Variants in RHBDL3 observed in about 807,000 individuals in gnomAD.
The protein encoded by RHBDL3 is rhomboid like 3.
A neutral mutation model predicts 48.2 loss-of-function variants in RHBDL3; 28 were observed. The ratio of observed to expected loss-of-function variants is 0.58; its 90% CI spans 0.43 to 0.80. The LOEUF (loss-of-function observed/expected upper bound fraction) is 0.80, where lower values mean the gene tolerates loss of function less well. Among genes scored for constraint, RHBDL3 ranks in the 30% least tolerant of loss-of-function variants. The pLI is 0.00. For missense variants in RHBDL3, 464 were observed against 542.7 expected, an observed-to-expected ratio of 0.85 and a Z score of 1.44; for synonymous variants, 208 against 232.3, an observed-to-expected ratio of 0.90 and a Z score of 0.95.
intron 4 of RHBDL3, among the ~76,000 whole-genome samples, chr17:32,293,893 C>A (rs1449314005): frequency 6.6e-6 from 1 of 152,026 alleles, no homozygotes; most frequent in Non-Finnish European, 1.5e-5. Flanking sequence ...TTTGGGAGGC[C>A]AAGGCGGGTG....
chr17:32,283,128 A>G (rs1393409230), intron 2 of RHBDL3, among the ~76,000 whole-genome samples: 1 of 152,000 alleles, frequency 6.6e-6, no homozygotes, highest in Non-Finnish European at 1.5e-5. Flanking sequence ...TAAACAACTC[A>G]CAGCTGCATC....
intron 7 of RHBDL3, among the ~76,000 whole-genome samples, chr17:32,310,970 A>G (rs1184745524): frequency 6.6e-6 from 1 of 151,578 alleles, no homozygotes; most frequent in Non-Finnish European, 1.5e-5. Context: ...TATCTGCGTC[A>G]TACTTTCACA....
intron 4 of RHBDL3, among the ~76,000 whole-genome samples, chr17:32,289,753 C>A (rs1282841847): frequency 6.6e-6 from 1 of 152,234 alleles, no homozygotes; most frequent in East Asian, 1.9e-4. Context: ...CAGCCCACCC[C>A]AGCTGCAGCT....
At chr17:32,268,979 T>C (rs369634709) in intron 2 of RHBDL3, among the ~76,000 whole-genome samples, 23 of 151,998 alleles carry the variant, frequency 1.5e-4, no homozygotes, top group African/African-American at 5.3e-4. Context: ...GATGGAAGAA[T>C]TGGAAGATCT....
At chr17:32,304,230 G>A (rs2040655584) in intron 6 of RHBDL3, among the ~76,000 whole-genome samples, 1 of 152,096 alleles carries the variant, frequency 6.6e-6, no homozygotes, top group Admixed American at 6.6e-5. Context: ...ACTTTTCAAG[G>A]ACATGTTTCC....
chr17:32,282,865 A>T (rs915367495), intron 2 of RHBDL3, among the ~76,000 whole-genome samples: 1 of 152,028 alleles, frequency 6.6e-6, no homozygotes, highest in Non-Finnish European at 1.5e-5. Flanking sequence ...CTCGTGATCC[A>T]CCTGCCTCGG....
At chr17:32,316,164 C>T in intron 7 of RHBDL3, 68 bp from the exon 8 acceptor site, 1 of 1,161,590 alleles carries the variant, frequency 8.6e-7, no homozygotes, top group Non-Finnish European at 1.3e-6. Flanking sequence ...GTCAGGTTTT[C>T]TTAAGCAAGA....
At position 32,298,106 on chromosome 17, in the gene RHBDL3, G is replaced by T. The variant is rs1321614769; in HGVS notation, c.683G>T (p.Gly228Val). 2.4e-5 allele frequency: 38 copies of T among 1,613,104 alleles called. No homozygotes were observed. Among genetic ancestry groups the T allele is most frequent in the Admixed American group, 3.3e-5 (2 of 60,012 alleles). ...CTCTGTCACAGGATAGAACACCTGG[G>T]ACTCAATGTGGTGCTGCAGCTGCTG... ...IFMHAGIEHL[G>V]LNVVLQLLVG... The change falls in exon 6 of 9, where the codon GGA (glycine) becomes GTA (valine). Residue 228 changes from glycine to valine, a missense_variant. Gly to Val is a moderately radical substitution (Grantham distance 109). Coordinates refer to ENST00000269051, the MANE Select transcript of RHBDL3 (RefSeq NM_138328.3).
At chr17:32,307,529 G>A (rs1160062087) in intron 7 of RHBDL3, among the ~76,000 whole-genome samples, 2 of 152,192 alleles carry the variant, frequency 1.3e-5, no homozygotes, top group African/African-American at 4.8e-5. Flanking sequence ...GCACAAGAGG[G>A]AGGGGAAAAG....
rs189839068 is a variant in RHBDL3, at chr17:32,304,864, C to A, written c.782-477C>A. Among the ~76,000 whole-genome samples the A allele has an allele frequency of 1.4e-4, 22 of 152,176 alleles. No individual in the cohort carries two copies. The East Asian group carries it at 4.3e-3, about 30-fold the overall frequency. ...AGGGCTCTGTGGCTCACACCTGTAA[C>A]CCCAGAACTTTGGAAGGCTGAGGCA... is the stretch of plus-strand genomic sequence containing the variant. On this transcript the variant is annotated intron_variant, in intron 6 of 8. Transcript: ENST00000269051.
chr17:32,285,095 C>A (rs1324977775), intron 3 of RHBDL3, among the ~76,000 whole-genome samples: 1 of 150,570 alleles, frequency 6.6e-6, no homozygotes, highest in Non-Finnish European at 1.5e-5. Flanking sequence ...CCCTCATACC[C>A]TCAGGCTGCA....
At chr17:32,276,290 G>A (rs2039897530) in intron 2 of RHBDL3, among the ~76,000 whole-genome samples, 1 of 152,130 alleles carries the variant, frequency 6.6e-6, no homozygotes, top group Admixed American at 6.5e-5. Flanking sequence ...TAAAGAGTCA[G>A]GGGAAAAGAT....
At chr17:32,317,079 G>C (rs902717381) in intron 8 of RHBDL3, among the ~76,000 whole-genome samples, 17 of 151,608 alleles carry the variant, frequency 1.1e-4, no homozygotes, top group African/African-American at 4.1e-4. Context: ...CACCATGTTG[G>C]CCAGGCTGGT....
At chr17:32,275,830 A>ACAG (rs2039883767) in intron 2 of RHBDL3, among the ~76,000 whole-genome samples, 1 of 152,202 alleles carries the variant, frequency 6.6e-6, no homozygotes, top group East Asian at 1.9e-4. Context: ...AAATAATAAA[A>ACAG]CTGGGAATCC....
At chr17:32,300,397 A>G (rs1360953896) in intron 6 of RHBDL3, among the ~76,000 whole-genome samples, 1 of 152,038 alleles carries the variant, frequency 6.6e-6, no homozygotes, top group East Asian at 1.9e-4. Context: ...AAAGTTTTTT[A>G]AAAATTAGCT....
intron 4 of RHBDL3, among the ~76,000 whole-genome samples, chr17:32,291,397 C>T (rs192995802): frequency 3.3e-5 from 5 of 151,614 alleles, no homozygotes; most frequent in African/African-American, 9.7e-5. Flanking sequence ...AAAACACTAT[C>T]CTGGCCGGGC....
chr17:32,293,173 A>AGGGGGGGGGGGGGG (rs56795296), intron 4 of RHBDL3, among the ~76,000 whole-genome samples: 2 of 102,504 alleles, frequency 2.0e-5, no homozygotes, highest in African/African-American at 3.4e-5. Context: ...GGCTGGAGGG[A>AGGGGGGGGGGGGGG]GGGGGTGGGG....
At chr17:32,282,003 C>T (rs1278811556) in intron 2 of RHBDL3, among the ~76,000 whole-genome samples, 1 of 152,218 alleles carries the variant, frequency 6.6e-6, no homozygotes, top group Non-Finnish European at 1.5e-5. Flanking sequence ...CTCTTCTGTG[C>T]CTCTATTTCC....
Position 32,281,128 on chromosome 17 carries a change from C to T in RHBDL3, c.136-3531C>T, listed in dbSNP as rs542100146. On this transcript the variant is annotated intron_variant, in intron 2 of 8. Transcript: ENST00000269051. ...GAAAGGTAGAGTTTTGGCAGAGAAC[C>T]GAGGCTCGGCCTGATTCCAGCTTGT... Among the ~76,000 whole-genome samples, 6 of 152,282 alleles carry T rather than the reference C, an allele frequency of 3.9e-5. No individual in the cohort carries two copies. In the East Asian group the frequency reaches 7.7e-4, roughly 20 times the overall value.
Sources: allele counts gnomAD v4.1 joint callset (sites outside exome capture counted in the v4.1 genomes callset), GRCh38; gene constraint gnomAD v4.1.1; transcripts MANE v1.5; gene names NCBI Gene and HGNC (gene_info 2026-07-23, HGNC 2026-07-21).